Variants in ATP2B2 observed in about 807,000 individuals in gnomAD.
ATP2B2 encodes the protein ATPase plasma membrane Ca2+ transporting 2.
Under a neutral mutation model 120.0 loss-of-function variants are expected in ATP2B2, and 15 were observed. That is an observed-to-expected ratio of 0.12 (90% CI 0.08 to 0.19). The LOEUF is 0.19. Among genes scored for constraint, ATP2B2 ranks in the 10% least tolerant of loss-of-function variants. ATP2B2 has a pLI of 1.00. For missense variants in ATP2B2, 1,045 were observed against 1,719.8 expected, an observed-to-expected ratio of 0.61 and a Z score of 6.94; for synonymous variants, 694 against 700.3, an observed-to-expected ratio of 0.99 and a Z score of 0.14.
chr3:10,453,688 A>G (rs2064147402), intron 1 of ATP2B2, among the ~76,000 whole-genome samples: 1 of 152,232 alleles, frequency 6.6e-6, no homozygotes, highest in East Asian at 1.9e-4. Context: ...AGTGGCTTAC[A>G]GGCACTGATA....
At chr3:10,534,905 T>G (rs1278035104) in intron 2 of ATP2B2, among the ~76,000 whole-genome samples, 5 of 136,294 alleles carry the variant, frequency 3.7e-5, no homozygotes, top group Admixed American at 7.2e-5. Context: ...TTGGTTTTTT[T>G]TTTTTTTTTT....
intron 9 of ATP2B2, among the ~76,000 whole-genome samples, chr3:10,379,035 A>G (rs1209255104): frequency 1.3e-5 from 2 of 152,200 alleles, no homozygotes; most frequent in African/African-American, 2.4e-5. Context: ...ATGCTGGCCC[A>G]TGGGTATCCC....
chr3:10,494,111 A>T lies in ATP2B2; in HGVS notation c.-320+11354T>A, dbSNP rs1429028851. ...ACGGGGAGCACTGAAGACTTTGACCAGAGTGACAGGCCTGGTGGACATTCT... is the reference window on the plus strand; with the variant it reads ...ACGGGGAGCACTGAAGACTTTGACCTGAGTGACAGGCCTGGTGGACATTCT... On this transcript the variant is annotated intron_variant, in intron 1 of 22. Transcript: ENST00000360273. 2.6e-5 allele frequency among the ~76,000 whole-genome samples: 4 copies of T among 152,156 alleles called. No homozygotes were observed. The East Asian group carries it at 7.7e-4, about 29-fold the overall frequency.
intron 1 of ATP2B2, among the ~76,000 whole-genome samples, chr3:10,700,310 A>G (rs761812535): frequency 6.6e-6 from 1 of 151,996 alleles, no homozygotes; most frequent in Non-Finnish European, 1.5e-5. Context: ...AAAAAGCCCA[A>G]TGCTCCCCTC....
rs890830137 is a variant in ATP2B2, at chr3:10,340,843, G to T, written c.2918-139C>A. 8.3e-6 allele frequency: 7 copies of T among 841,802 alleles called. No homozygotes were observed. In the Admixed American group the frequency reaches 1.0e-4, roughly 12 times the overall value. The allele number at this position is 841,802 out of a possible 1,614,324, so 52.1% of individuals were successfully genotyped here. A position where few individuals can be genotyped will look rare whatever the true frequency, so the allele number is the denominator to read the frequency against. On this transcript the variant is annotated intron_variant, in intron 19 of 22. Transcript: ENST00000360273. The surrounding 1 kb of genome is among the most constrained non-coding windows in gnomAD (Gnocchi z 5.0). The stretch of plus-strand genomic sequence containing the variant: ...TCAAGGCATGCTTGGACAGTGGGGG[G>T]CCAGGGCTGTGCTGTCAGCTGGTCA...
intron 14 of ATP2B2, 88 bp from the exon 15 acceptor site, chr3:10,350,665 C>A: frequency 7.0e-7 from 1 of 1,421,780 alleles, no homozygotes. Flanking sequence ...GCCCTTCTCA[C>A]AGGCAGCTCT....
chr3:10,599,494 T>C (rs2068848094), intron 2 of ATP2B2, among the ~76,000 whole-genome samples: 1 of 152,086 alleles, frequency 6.6e-6, no homozygotes, highest in African/African-American at 2.4e-5. Flanking sequence ...TTCACCTGGA[T>C]TGAGAGCCCC....
At position 10,502,716 on chromosome 3, in the gene ATP2B2, G is replaced by A. The variant is rs938990389; in HGVS notation, c.-320+2749C>T. 2.6e-4 allele frequency among the ~76,000 whole-genome samples: 39 copies of A among 152,230 alleles called. 1 individual carries two copies. The highest frequency in any genetic ancestry group is 8.8e-5 in the Non-Finnish European group (6 of 68,034). ...GCCTAGGTCAGGGCCACGCCCGCCTGGGGAAGGCTCCTCCGCCTTCACCCA... is the reference window on the plus strand; with the variant it reads ...GCCTAGGTCAGGGCCACGCCCGCCTAGGGAAGGCTCCTCCGCCTTCACCCA... On this transcript the variant is annotated intron_variant, in intron 1 of 22. Coordinates refer to ENST00000360273, the MANE Select transcript of ATP2B2 (RefSeq NM_001001331.4).
intron 14 of ATP2B2, among the ~76,000 whole-genome samples, chr3:10,358,311 T>A (rs899231995): frequency 1.4e-4 from 22 of 152,160 alleles, no homozygotes; most frequent in Non-Finnish European, 2.8e-4. Flanking sequence ...GAATCCATGT[T>A]TGTGGATTTG....
At chr3:10,619,883 C>G (rs976580622) in intron 2 of ATP2B2, 4 of 152,156 alleles carry the variant, frequency 2.6e-5, no homozygotes, top group Non-Finnish European at 4.4e-5. Context: ...TGGGTGCCCC[C>G]AGGTGAACCA....
intron 1 of ATP2B2, among the ~76,000 whole-genome samples, chr3:10,483,341 C>G (rs1321473673): frequency 1.3e-5 from 2 of 152,178 alleles, no homozygotes; most frequent in Non-Finnish European, 2.9e-5. Context: ...ATTTCGCCTT[C>G]CCTCCAATCC....
At chr3:10,395,674 G>A (rs1559280564) in intron 5 of ATP2B2, among the ~76,000 whole-genome samples, 1 of 152,250 alleles carries the variant, frequency 6.6e-6, no homozygotes, top group Non-Finnish European at 1.5e-5. Flanking sequence ...GTCAGAGTTT[G>A]CACTCTAGGT....
At chr3:10,674,937 G>A (rs933859040) in intron 1 of ATP2B2, among the ~76,000 whole-genome samples, 1 of 152,190 alleles carries the variant, frequency 6.6e-6, no homozygotes, top group African/African-American at 2.4e-5. Flanking sequence ...GGATCATGTC[G>A]TGTGTTTAGC....
At chr3:10,431,359 T>C (rs1462972196) in intron 2 of ATP2B2, among the ~76,000 whole-genome samples, 1 of 152,176 alleles carries the variant, frequency 6.6e-6, no homozygotes, top group Non-Finnish European at 1.5e-5. Context: ...ATGGTTGCCT[T>C]ATTTTCAGAA....
intron 1 of ATP2B2, among the ~76,000 whole-genome samples, chr3:10,474,085 C>T (rs1349318897): frequency 2.6e-5 from 4 of 152,022 alleles, no homozygotes; most frequent in African/African-American, 9.7e-5. Flanking sequence ...CAGGTCTTGC[C>T]TGCAGGGGCA....
At chr3:10,378,140 C>T (rs1326391903) in intron 10 of ATP2B2, 112 bp downstream of exon 10, 2 of 1,425,126 alleles carry the variant, frequency 1.4e-6, no homozygotes, top group African/African-American at 2.9e-5. Context: ...TTCAGGCACT[C>T]ATTCAAGCCC....
rs577930253 is a variant in ATP2B2, at chr3:10,700,185, C to T, written c.-460+7730G>A. The stretch of plus-strand genomic sequence containing the variant: ...ACACCCACCTCTGCTTGGAAACTTT[C>T]TAGTGTGGTGAGCTCATTCCTGTGC... On this transcript the variant is annotated intron_variant, in intron 1 of 21. Transcript: ENST00000646379. Among the ~76,000 whole-genome samples, 4 of 152,150 alleles carry T rather than the reference C, an allele frequency of 2.6e-5. No individual in the cohort carries two copies. In the East Asian group the frequency reaches 7.7e-4, roughly 29 times the overall value.
intron 1 of ATP2B2, among the ~76,000 whole-genome samples, chr3:10,477,085 A>G (rs888805360): frequency 1.3e-5 from 2 of 152,214 alleles, no homozygotes; most frequent in African/African-American, 2.4e-5. Flanking sequence ...TAAGGAGCCT[A>G]ATGTGTGGCT....
chr3:10,686,408 A>G (rs1159430050), intron 1 of ATP2B2, among the ~76,000 whole-genome samples: 1 of 152,182 alleles, frequency 6.6e-6, no homozygotes, highest in Non-Finnish European at 1.5e-5. Context: ...TAATCCCAGC[A>G]CTTTGGGAGG....
Sources: allele counts gnomAD v4.1 joint callset (sites outside exome capture counted in the v4.1 genomes callset), GRCh38; gene constraint gnomAD v4.1.1; non-coding constraint Gnocchi (gnomAD v3.1); transcripts MANE v1.5; gene names NCBI Gene and HGNC (gene_info 2026-07-23, HGNC 2026-07-21).